HTR4: variants seen among roughly 807,000 people sequenced by gnomAD.
HTR4 encodes the protein 5-hydroxytryptamine (serotonin) receptor 4, G protein-coupled.
HTR4 carries 16 observed loss-of-function variants against 36.8 expected under a neutral mutation model. The ratio of observed to expected loss-of-function variants is 0.43; its 90% CI spans 0.29 to 0.66. HTR4 has a LOEUF of 0.66. Among genes scored for constraint, HTR4 ranks in the 30% least tolerant of loss-of-function variants. The probability of loss-of-function intolerance (pLI) is 0.13; values close to 1 mark genes in which losing one functional copy is unlikely to be tolerated. For synonymous variants in HTR4, 189 were observed against 185.1 expected (o/e 1.02, Z -0.17); for missense variants, 438 against 490.9 (o/e 0.89, Z 1.02).
At chr5:148,511,680 A>T (rs1447590876) in intron 5 of HTR4, among the ~76,000 whole-genome samples, 2 of 146,594 alleles carry the variant, frequency 1.4e-5, no homozygotes, top group African/African-American at 5.1e-5. Context: ...TCTTAGGTAT[A>T]TACCCAGGAC....
chr5:148,589,101 G>A (rs1761460564), intron 2 of HTR4, among the ~76,000 whole-genome samples: 1 of 151,942 alleles, frequency 6.6e-6, no homozygotes, highest in Non-Finnish European at 1.5e-5. Context: ...TCTCCTATAA[G>A]AGATAGATAA....
intron 1 of HTR4, among the ~76,000 whole-genome samples, chr5:148,647,010 A>G (rs1007668320): frequency 6.6e-6 from 1 of 152,230 alleles, no homozygotes; most frequent in African/African-American, 2.4e-5. Flanking sequence ...AATGTCTACC[A>G]GCACTTGAAA....
intron 5 of HTR4, among the ~76,000 whole-genome samples, chr5:148,512,026 G>A (rs1757523768): frequency 6.6e-6 from 1 of 152,194 alleles, no homozygotes; most frequent in South Asian, 2.1e-4. Context: ...CTTTTGGAAA[G>A]CATGTGAGAC....
At chr5:148,545,562 A>G (rs1447130371) in intron 4 of HTR4, among the ~76,000 whole-genome samples, 1 of 152,230 alleles carries the variant, frequency 6.6e-6, no homozygotes, top group Non-Finnish European at 1.5e-5. Context: ...GTTTTGATGG[A>G]GTCAGCGAAG....
chr5:148,544,832 C>T (rs1217501930), intron 4 of HTR4, among the ~76,000 whole-genome samples: 1 of 152,118 alleles, frequency 6.6e-6, no homozygotes, highest in African/African-American at 2.4e-5. Flanking sequence ...CAGGAGTCTG[C>T]CATCTGAGAA....
intron 6 of HTR4, among the ~76,000 whole-genome samples, chr5:148,505,685 C>T (rs1371428575): frequency 6.6e-6 from 1 of 152,166 alleles, no homozygotes; most frequent in African/African-American, 2.4e-5. Flanking sequence ...TCTCAGGATA[C>T]AAAATCAATG....
At chr5:148,583,895 C>T (rs192620105) in intron 2 of HTR4, among the ~76,000 whole-genome samples, 58 of 152,274 alleles carry the variant, frequency 3.8e-4, no homozygotes, top group South Asian at 1.2e-3. Flanking sequence ...AATCCAGAAT[C>T]TCCCAGTTTC....
intron 4 of HTR4, among the ~76,000 whole-genome samples, chr5:148,548,324 A>G (rs963888747): frequency 2.0e-5 from 3 of 152,228 alleles, no homozygotes; most frequent in Admixed American, 2.0e-4. Flanking sequence ...AGATGTACTC[A>G]TTCTTGATGC....
intron 2 of HTR4, among the ~76,000 whole-genome samples, chr5:148,598,253 C>T (rs1761855716): frequency 6.6e-6 from 1 of 151,920 alleles, no homozygotes; most frequent in Non-Finnish European, 1.5e-5. Context: ...CTCAGAAGGC[C>T]AGTAGTTGAG....
intron 5 of HTR4, among the ~76,000 whole-genome samples, chr5:148,456,742 G>A (rs1019158715): frequency 2.0e-5 from 3 of 152,212 alleles, no homozygotes; most frequent in Non-Finnish European, 2.9e-5. Flanking sequence ...AGGTTCTTGA[G>A]GCAGAATGCC....
At chr5:148,612,174 G>A (rs1049266553) in intron 2 of HTR4, among the ~76,000 whole-genome samples, 40 of 152,024 alleles carry the variant, frequency 2.6e-4, no homozygotes, top group African/African-American at 7.5e-4. Context: ...TGCACCAAGC[G>A]GACCTAATAG....
intron 2 of HTR4, among the ~76,000 whole-genome samples, chr5:148,609,187 G>T (rs564495930): frequency 6.6e-6 from 1 of 152,332 alleles, no homozygotes; most frequent in African/African-American, 2.4e-5. Flanking sequence ...TAATGGCATT[G>T]CATTGCACAC....
chr5:148,466,057 A>C, intron 5 of HTR4: 1 of 1,503,536 alleles, frequency 6.7e-7, no homozygotes, highest in Non-Finnish European at 8.9e-7. Flanking sequence ...CAATATTCTT[A>C]AAGTGCTTTT....
chr5:148,574,803 C>T (rs1760827216), intron 2 of HTR4, among the ~76,000 whole-genome samples: 1 of 152,100 alleles, frequency 6.6e-6, no homozygotes, highest in Admixed American at 6.6e-5. Flanking sequence ...TGACATTCTA[C>T]AGTAAGTGAA....
Position 148,570,128 on chromosome 5 carries a change from AAAAC to A in HTR4, c.27-19870_27-19867del, listed in dbSNP as rs142747476. On this transcript the variant is annotated intron_variant, in intron 2 of 6. Coordinates refer to ENST00000377888, the MANE Select transcript of HTR4 (RefSeq NM_000870.7). ...TGGGTGTGAGCCCAGCTCCAAGCAG[AAAAC>A]AAACAAACTCTCTGACTCAAAAAGA... Among the ~76,000 whole-genome samples, 293 of 152,232 alleles carry A rather than the reference AAAAC, an allele frequency of 1.9e-3. 6 individuals are homozygous for A. The East Asian group carries it at 0.031, about 16-fold the overall frequency.
At chr5:148,530,161 C>T (rs761518012) in intron 4 of HTR4, among the ~76,000 whole-genome samples, 11 of 152,124 alleles carry the variant, frequency 7.2e-5, no homozygotes, top group Non-Finnish European at 1.5e-4. Context: ...AAAAGAAAAT[C>T]CCATTTTCTG....
intron 6 of HTR4, chr5:148,490,731 G>T: frequency 7.9e-7 from 1 of 1,269,362 alleles, no homozygotes; most frequent in Non-Finnish European, 1.0e-6. Context: ...CCCTAGTAAG[G>T]CAATCCATTC....
intron 5 of HTR4, among the ~76,000 whole-genome samples, chr5:148,514,003 A>T (rs182172736): frequency 6.6e-6 from 1 of 152,192 alleles, no homozygotes; most frequent in Admixed American, 6.5e-5. Flanking sequence ...ACTAAAATTC[A>T]TCTTTACATT....
chr5:148,491,553 C>A (rs531814175), intron 6 of HTR4, among the ~76,000 whole-genome samples: 27 of 152,154 alleles, frequency 1.8e-4, no homozygotes, highest in Admixed American at 2.6e-4. Flanking sequence ...GTGTTCCATG[C>A]ATTGTCGGAT....
Sources: gnomAD v4.1 joint callset for allele counts (sites outside exome capture counted in the v4.1 genomes callset) on GRCh38, gnomAD v4.1.1 for gene constraint, MANE v1.5 for transcripts, NCBI Gene and HGNC (gene_info 2026-07-23, HGNC 2026-07-21) for gene names.